Variants in STIM1 observed in about 807,000 individuals in gnomAD.
STIM1 encodes stromal interaction molecule 1.
STIM1 carries 25 observed loss-of-function variants against 74.7 expected under a neutral mutation model. The ratio of observed to expected loss-of-function variants is 0.33; its 90% CI spans 0.24 to 0.47. The LOEUF is 0.47. Ranked by LOEUF, STIM1 falls within the 20% of genes least tolerant of loss-of-function variation. STIM1 has a pLI of 1.00. For synonymous variants in STIM1, 328 were observed against 348.8 expected, an observed-to-expected ratio of 0.94 and a Z score of 0.66; for missense variants, 728 against 920.8, an observed-to-expected ratio of 0.79 and a Z score of 2.71.
At chr11:3,912,935 C>A (rs185355706) in intron 1 of STIM1, among the ~76,000 whole-genome samples, 4 of 152,264 alleles carry the variant, frequency 2.6e-5, no homozygotes. Context: ...GCTTCTCTTT[C>A]CCTTTTTCCC....
chr11:3,858,370 T>C (rs1488251415), intron 1 of STIM1, among the ~76,000 whole-genome samples: 1 of 152,170 alleles, frequency 6.6e-6, no homozygotes, highest in Non-Finnish European at 1.5e-5. Context: ...ATGCTGATTA[T>C]ACCACTTAGG....
chr11:3,876,472 C>T (rs978896063), intron 1 of STIM1, among the ~76,000 whole-genome samples: 4 of 152,182 alleles, frequency 2.6e-5, no homozygotes, highest in Non-Finnish European at 4.4e-5. Flanking sequence ...ATGGTATGAT[C>T]GTGGTTCACT....
intron 4 of STIM1, 151 bp from the exon 5 acceptor site, chr11:4,059,130 A>T: frequency 1.2e-6 from 1 of 801,506 alleles, no homozygotes; most frequent in East Asian, 2.7e-5. Context: ...TACCCTGTTG[A>T]GACCCAACTG....
chr11:3,935,804 T>G (rs1346431849), intron 1 of STIM1, among the ~76,000 whole-genome samples: 10 of 152,222 alleles, frequency 6.6e-5, no homozygotes, highest in Non-Finnish European at 1.2e-4. Context: ...CCTTTGAGTC[T>G]TCAGATGCCT....
At position 4,016,724 on chromosome 11, in the gene STIM1, C is replaced by G. The variant is rs556907485; in HGVS notation, c.271-7149C>G. Reference sequence around the variant, plus strand: ...GGCTCCGCCCAGTTTGAGCTCCTTGCCACTTTATTTACACTGTGAGCATAG... The same window carrying G: ...GGCTCCGCCCAGTTTGAGCTCCTTGGCACTTTATTTACACTGTGAGCATAG... On this transcript the variant is annotated intron_variant, in intron 2 of 12. Transcript: ENST00000526596. Among the ~76,000 whole-genome samples the G allele has an allele frequency of 1.9e-3, 291 of 152,308 alleles. 4 individuals carry two copies. The highest frequency in any genetic ancestry group is 6.7e-3 in the African/African-American group (280 of 41,574).
intron 6 of STIM1, among the ~76,000 whole-genome samples, chr11:4,072,421 T>C (rs1390943312): frequency 6.6e-6 from 1 of 152,242 alleles, no homozygotes; most frequent in African/African-American, 2.4e-5. Flanking sequence ...AGTTTCAAGA[T>C]AATTATTTGA....
At chr11:3,893,883 G>A (rs1482106562) in intron 1 of STIM1, among the ~76,000 whole-genome samples, 1 of 152,104 alleles carries the variant, frequency 6.6e-6, no homozygotes, top group Non-Finnish European at 1.5e-5. Context: ...TCTACATCAT[G>A]TTGATTGATC....
Position 4,009,246 on chromosome 11 carries a change from G to T in STIM1, c.271-14627G>T, listed in dbSNP as rs561321599. 2.7e-5 allele frequency among the ~76,000 whole-genome samples: 4 copies of T among 150,772 alleles called. 1 individual carries two copies. In the South Asian group the frequency reaches 8.4e-4, roughly 31 times the overall value. ...GGAGGCGGAGCTTGCAGTGAGCTGC[G>T]ATCGCGCCACTGCACTCCAGCCTGT... On this transcript the variant is annotated intron_variant, in intron 2 of 12. Coordinates refer to ENST00000526596, the MANE Select transcript of STIM1 (RefSeq NM_001382567.1).
chr11:4,066,701 A>G (rs1300216891), intron 5 of STIM1, among the ~76,000 whole-genome samples: 2 of 152,158 alleles, frequency 1.3e-5, no homozygotes. Flanking sequence ...AAAAAAGTTG[A>G]AAAACACACA....
intron 3 of STIM1, among the ~76,000 whole-genome samples, chr11:4,049,118 C>T (rs2094217094): frequency 6.6e-6 from 1 of 152,218 alleles, no homozygotes; most frequent in Non-Finnish European, 1.5e-5. Context: ...AGCTCTAGTG[C>T]TCCACGTATG....
intron 1 of STIM1, among the ~76,000 whole-genome samples, chr11:3,925,418 A>G (rs57799995): frequency 0.067 from 10,148 of 152,216 alleles, 1,010 homozygotes; most frequent in African/African-American, 0.22. Flanking sequence ...AACAATACAA[A>G]CAAAATATTG....
chr11:4,071,583 G>C (rs529815627), intron 6 of STIM1, among the ~76,000 whole-genome samples: 1 of 152,124 alleles, frequency 6.6e-6, no homozygotes, highest in African/African-American at 2.4e-5. Context: ...GACTCAAGAG[G>C]TCTACCTCAG....
intron 1 of STIM1, among the ~76,000 whole-genome samples, chr11:3,874,542 A>G (rs2091248111): frequency 6.6e-6 from 1 of 152,364 alleles, no homozygotes; most frequent in African/African-American, 2.4e-5. Flanking sequence ...CCCTAGCTTC[A>G]GGTTACTTTC....
At position 4,090,270 on chromosome 11, in the gene STIM1, A is replaced by G. The variant is rs2094516257; in HGVS notation, c.1635-1012A>G. On this transcript the variant is annotated intron_variant, in intron 12 of 12. Transcript: ENST00000526596. ...AATTGGTATTATCTTCATTAGGCCA[A>G]AGTTAAGGACTAGCAAGTTTAGATG... Among the ~76,000 whole-genome samples the G allele has an allele frequency of 2.6e-5, 4 of 152,186 alleles. No homozygotes were observed. In the South Asian group the frequency reaches 8.3e-4, roughly 32 times the overall value.
At chr11:3,980,533 C>A (rs1160438126) in intron 2 of STIM1, among the ~76,000 whole-genome samples, 1 of 150,444 alleles carries the variant, frequency 6.6e-6, no homozygotes, top group Non-Finnish European at 1.5e-5. Context: ...ATCTCAGCTA[C>A]TTGGTTGAGA....
At chr11:3,973,391 A>G (rs1441956319) in intron 2 of STIM1, 14 of 393,524 alleles carry the variant, frequency 3.6e-5, no homozygotes. Flanking sequence ...GGCCATTCAC[A>G]GTATGGTATT....
intron 1 of STIM1, among the ~76,000 whole-genome samples, chr11:3,959,574 A>G (rs2135706440): frequency 6.6e-6 from 1 of 152,312 alleles, no homozygotes; most frequent in South Asian, 2.1e-4. Flanking sequence ...TGGTATGTGA[A>G]CAACTCATAA....
At chr11:4,041,236 C>T (rs1253846043) in intron 3 of STIM1, among the ~76,000 whole-genome samples, 2 of 152,200 alleles carry the variant, frequency 1.3e-5, no homozygotes, top group Non-Finnish European at 2.9e-5. Context: ...ATTTATCACA[C>T]TATATTATAT....
chr11:4,052,918 A>G (rs2094255634), intron 3 of STIM1, among the ~76,000 whole-genome samples: 1 of 152,238 alleles, frequency 6.6e-6, no homozygotes, highest in Admixed American at 6.5e-5. Flanking sequence ...AAAGTAGGCG[A>G]AGGATATGAA....
Sources: gnomAD v4.1 joint callset for allele counts (sites outside exome capture counted in the v4.1 genomes callset) on GRCh38, gnomAD v4.1.1 for gene constraint, MANE v1.5 for transcripts, NCBI Gene and HGNC (gene_info 2026-07-23, HGNC 2026-07-21) for gene names.